Variants in PJA2 observed in about 807,000 individuals in gnomAD.
The protein encoded by PJA2 is E3 ubiquitin-protein ligase Praja-2.
In PJA2, 25 loss-of-function variants were observed where a neutral mutation model predicts 69.3. The ratio of observed to expected loss-of-function variants is 0.36; its 90% CI spans 0.26 to 0.50. The LOEUF (loss-of-function observed/expected upper bound fraction) is 0.50. Ranked by LOEUF, PJA2 falls within the 20% of genes least tolerant of loss-of-function variation. PJA2 has a pLI of 0.96. For missense variants in PJA2, 809 were observed against 830.2 expected (o/e 0.97, Z 0.31); for synonymous variants, 308 against 277.8 (o/e 1.11, Z -1.08).
At chr5:109,392,965 A>G (rs886384601) in intron 1 of PJA2, among the ~76,000 whole-genome samples, 1 of 152,206 alleles carries the variant, frequency 6.6e-6, no homozygotes, top group African/African-American at 2.4e-5. Context: ...GCAGGCAACA[A>G]AAACTAAAAT....
chr5:109,335,969 G>C lies in PJA2; in HGVS notation c.*1262C>G, dbSNP rs779419376. 5.2e-5 allele frequency: 8 copies of C among 152,508 alleles called. No individual in the cohort carries two copies. Among genetic ancestry groups the C allele is most frequent in the Non-Finnish European group, 8.8e-5 (6 of 68,014 alleles). The allele number at this position is 152,508 out of a possible 1,614,324, so 9.4% of individuals were successfully genotyped here. A position where few individuals can be genotyped will look rare whatever the true frequency, so the allele number is the denominator to read the frequency against. ...CAAGTGTTATGTTCCTTATATTTAAGCCTCATATGTGCCAACAGTGAAAAT... is the reference window on the plus strand; with the variant it reads ...CAAGTGTTATGTTCCTTATATTTAACCCTCATATGTGCCAACAGTGAAAAT... On this transcript the variant is annotated 3_prime_UTR_variant, in exon 10 of 10. Coordinates refer to ENST00000361189, the MANE Select transcript of PJA2 (RefSeq NM_014819.5).
intron 7 of PJA2, among the ~76,000 whole-genome samples, chr5:109,352,829 A>G (rs1166226602): frequency 2.7e-5 from 4 of 150,896 alleles, no homozygotes. Context: ...TAATATCTAT[A>G]GACATCTATA....
At chr5:109,348,207 G>A (rs1169451207) in intron 7 of PJA2, among the ~76,000 whole-genome samples, 1 of 152,154 alleles carries the variant, frequency 6.6e-6, no homozygotes, top group Non-Finnish European at 1.5e-5. Flanking sequence ...TGTAAAAATC[G>A]TGATGTGAGA....
intron 7 of PJA2, among the ~76,000 whole-genome samples, chr5:109,351,894 TTTTG>T (rs1411402229): frequency 6.6e-6 from 1 of 152,154 alleles, no homozygotes; most frequent in African/African-American, 2.4e-5. Flanking sequence ...CATAAATTAT[TTTTG>T]TTTCATTTTA....
At chr5:109,400,824 A>T (rs1747526126) in intron 1 of PJA2, among the ~76,000 whole-genome samples, 2 of 151,970 alleles carry the variant, frequency 1.3e-5, no homozygotes, top group Admixed American at 1.3e-4. Flanking sequence ...CTAAAAAAAT[A>T]CAAAAAAAAT....
At chr5:109,392,208 AT>A (rs1747297245) in intron 1 of PJA2, among the ~76,000 whole-genome samples, 2 of 152,260 alleles carry the variant, frequency 1.3e-5, no homozygotes, top group African/African-American at 4.8e-5. Context: ...AAAACTTATG[AT>A]AATAAGAGGC....
At chr5:109,397,330 T>G (rs1262439598) in intron 1 of PJA2, among the ~76,000 whole-genome samples, 1 of 152,170 alleles carries the variant, frequency 6.6e-6, no homozygotes, top group Non-Finnish European at 1.5e-5. Flanking sequence ...CAAAAGTCAC[T>G]ACAGTAAACA....
Position 109,409,904 on chromosome 5 carries a change from T to C in PJA2, c.-150A>G, listed in dbSNP as rs1561370434. ...GAACCTCCACCCGCCACCACCGCCT[T>C]CTTCTCCGCCTCCAACTCCTCCCCC... On this transcript the variant is annotated 5_prime_UTR_variant, in exon 1 of 10. Coordinates refer to ENST00000361189, the MANE Select transcript of PJA2 (RefSeq NM_014819.5). 1 of 177,164 alleles carries C rather than the reference T, an allele frequency of 5.6e-6. No homozygotes were observed. Among genetic ancestry groups the C allele is most frequent in the Non-Finnish European group, 1.2e-5 (1 of 84,268 alleles). 11.0% of individuals were successfully genotyped at this position (177,164 alleles called of 1,614,324 possible).
chr5:109,400,809 C>T (rs1199528125), intron 1 of PJA2, among the ~76,000 whole-genome samples: 1 of 151,666 alleles, frequency 6.6e-6, no homozygotes, highest in Non-Finnish European at 1.5e-5. Context: ...GAAACCCCGT[C>T]TCTACTAAAA....
intron 5 of PJA2, among the ~76,000 whole-genome samples, chr5:109,364,407 A>G (rs1249647556): frequency 6.6e-6 from 1 of 151,662 alleles, no homozygotes; most frequent in Admixed American, 6.6e-5. Flanking sequence ...GCGGATCACG[A>G]GGTCAGGAGA....
chr5:109,367,637 A>C (rs1762607654), intron 5 of PJA2, among the ~76,000 whole-genome samples: 1 of 152,240 alleles, frequency 6.6e-6, no homozygotes, highest in African/African-American at 2.4e-5. Flanking sequence ...CTGATATTGA[A>C]ACAAAAAACT....
At chr5:109,379,302 A>T in intron 3 of PJA2, 48 bp from the exon 4 acceptor site, 2 of 1,321,734 alleles carry the variant, frequency 1.5e-6, no homozygotes, top group South Asian at 1.5e-5. Context: ...TAACTTAGAT[A>T]AAATTTTATG....
At chr5:109,348,404 T>C (rs1460749046) in intron 7 of PJA2, among the ~76,000 whole-genome samples, 1 of 152,228 alleles carries the variant, frequency 6.6e-6, no homozygotes, top group Non-Finnish European at 1.5e-5. Context: ...GTTGACTTCT[T>C]AGTCTCATCA....
chr5:109,353,312 TATAG>T (rs1333428374), intron 7 of PJA2, among the ~76,000 whole-genome samples: 2 of 133,926 alleles, frequency 1.5e-5, no homozygotes, highest in Non-Finnish European at 3.3e-5. Flanking sequence ...CTATAATATC[TATAG>T]ATATCTATAT....
At chr5:109,392,479 T>G (rs1238796971) in intron 1 of PJA2, among the ~76,000 whole-genome samples, 1 of 148,340 alleles carries the variant, frequency 6.7e-6, no homozygotes, top group African/African-American at 2.5e-5. Flanking sequence ...GAGAATCACT[T>G]GAACCCAGGA....
At chr5:109,392,250 A>G (rs1244759937) in intron 1 of PJA2, among the ~76,000 whole-genome samples, 1 of 152,146 alleles carries the variant, frequency 6.6e-6, no homozygotes, top group Non-Finnish European at 1.5e-5. Context: ...AAATGTATCA[A>G]TGGAATAGGA....
chr5:109,367,198 CT>C (rs1762599799), intron 5 of PJA2, among the ~76,000 whole-genome samples: 1 of 148,938 alleles, frequency 6.7e-6, no homozygotes, highest in South Asian at 2.1e-4. Context: ...ATATATCTCT[CT>C]CATGAAGAGG....
chr5:109,380,804 CAAAAAAAA>C (rs34675958), intron 3 of PJA2, among the ~76,000 whole-genome samples: 1 of 88,732 alleles, frequency 1.1e-5, no homozygotes, highest in Non-Finnish European at 2.0e-5. Flanking sequence ...GATTCCATCT[CAAAAAAAA>C]AAAAAAAAAA....
intron 1 of PJA2, among the ~76,000 whole-genome samples, chr5:109,404,384 G>A (rs1447564739): frequency 6.6e-6 from 1 of 151,936 alleles, no homozygotes; most frequent in Non-Finnish European, 1.5e-5. Context: ...AGCCAGGCAT[G>A]GTGACATACG....
Sources: allele counts gnomAD v4.1 joint callset (sites outside exome capture counted in the v4.1 genomes callset), GRCh38; gene constraint gnomAD v4.1.1; transcripts MANE v1.5; gene names NCBI Gene and HGNC (gene_info 2026-07-23, HGNC 2026-07-21).